FHIT: variants seen among roughly 807,000 people sequenced by gnomAD.
The protein encoded by FHIT is bis(5'-adenosyl)-triphosphatase.
FHIT carries 19 observed loss-of-function variants against 17.9 expected under a neutral mutation model. The ratio of observed to expected loss-of-function variants is 1.06; its 90% CI spans 0.74 to 1.56. The LOEUF (loss-of-function observed/expected upper bound fraction) is 1.56. Ranked by LOEUF, FHIT falls within the 40% of genes most tolerant of loss-of-function variation. The pLI, the probability that FHIT is intolerant of heterozygous loss-of-function variation, is 0.00. For synonymous variants in FHIT, 81 were observed against 69.7 expected, an observed-to-expected ratio of 1.16 and a Z score of -0.81; for missense variants, 248 against 189.2, an observed-to-expected ratio of 1.31 and a Z score of -1.82.
chr3:59,757,810 G>T (rs1393276604), intron 8 of FHIT, among the ~76,000 whole-genome samples: 1 of 152,104 alleles, frequency 6.6e-6, no homozygotes, highest in Non-Finnish European at 1.5e-5. Flanking sequence ...TTACACAGGG[G>T]TTTATATAAA....
At chr3:60,951,762 T>A (rs1430417250) in intron 3 of FHIT, among the ~76,000 whole-genome samples, 8 of 152,012 alleles carry the variant, frequency 5.3e-5, no homozygotes, top group Admixed American at 5.2e-4. Flanking sequence ...TAGATGGGGG[T>A]CAAAAAACAT....
intron 3 of FHIT, among the ~76,000 whole-genome samples, chr3:60,965,255 T>C (rs189061279): frequency 3.3e-5 from 5 of 152,328 alleles, no homozygotes; most frequent in Admixed American, 2.0e-4. Context: ...CATCACGTAG[T>C]TCTCATGCCA....
At chr3:60,199,509 C>T (rs1196162940) in intron 5 of FHIT, among the ~76,000 whole-genome samples, 1 of 151,946 alleles carries the variant, frequency 6.6e-6, no homozygotes, top group Non-Finnish European at 1.5e-5. Context: ...GGGGAATGTT[C>T]CAAATGTCAT....
intron 5 of FHIT, among the ~76,000 whole-genome samples, chr3:60,341,926 T>A (rs1429031861): frequency 6.6e-6 from 1 of 152,104 alleles, no homozygotes; most frequent in Non-Finnish European, 1.5e-5. Flanking sequence ...TCTTGTCACA[T>A]GACCAGCGAG....
At chr3:60,616,275 C>A (rs1221471228) in intron 4 of FHIT, among the ~76,000 whole-genome samples, 4 of 152,300 alleles carry the variant, frequency 2.6e-5, no homozygotes, top group Admixed American at 1.3e-4. Context: ...TTATACAAAT[C>A]TTCACATTTG....
intron 5 of FHIT, among the ~76,000 whole-genome samples, chr3:60,021,115 T>C (rs971953571): frequency 3.9e-5 from 6 of 152,138 alleles, no homozygotes; most frequent in African/African-American, 1.2e-4. Context: ...CAGAGCAGTG[T>C]GATTAAGATA....
At chr3:61,064,672 C>T (rs370825048) in intron 2 of FHIT, among the ~76,000 whole-genome samples, 1 of 152,094 alleles carries the variant, frequency 6.6e-6, no homozygotes, top group African/African-American at 2.4e-5. Flanking sequence ...AAGGCTCTGC[C>T]ACTTGAGAAC....
At chr3:60,814,909 GT>G (rs1217616849) in intron 4 of FHIT, among the ~76,000 whole-genome samples, 333 of 133,898 alleles carry the variant, frequency 2.5e-3, no homozygotes, top group East Asian at 7.6e-3. Context: ...TGTTTTTGTT[GT>G]TTTTTTTTTT....
chr3:60,043,295 T>A (rs1701518687), intron 5 of FHIT, among the ~76,000 whole-genome samples: 1 of 152,238 alleles, frequency 6.6e-6, no homozygotes, highest in South Asian at 2.1e-4. Flanking sequence ...TTTAATATAA[T>A]TCTGTGTGAA....
chr3:60,376,291 G>C (rs1176024976), intron 5 of FHIT, among the ~76,000 whole-genome samples: 2 of 152,110 alleles, frequency 1.3e-5, no homozygotes, highest in African/African-American at 2.4e-5. Context: ...TTTAAATAAA[G>C]CTTTTAATTA....
chr3:61,069,837 G>A (rs574614006), intron 2 of FHIT, among the ~76,000 whole-genome samples: 4 of 152,324 alleles, frequency 2.6e-5, no homozygotes, highest in African/African-American at 9.6e-5. Context: ...TCAAGCTTCA[G>A]TCAGATCTAA....
Position 60,268,946 on chromosome 3 carries a change from C to G in FHIT, c.104-254794G>C, listed in dbSNP as rs115792345. ...ATGAAAAGTGAGAAGTCAACCTGCC[C>G]TTTCTGGCTTTAAAGATAGAGGAAG... On this transcript the variant is annotated intron_variant, in intron 5 of 9. Coordinates refer to ENST00000492590, the MANE Select transcript of FHIT (RefSeq NM_002012.4). Among the ~76,000 whole-genome samples the G allele has an allele frequency of 4.7e-3, 708 of 152,080 alleles. 8 individuals are homozygous for G. The highest frequency in any genetic ancestry group is 0.016 in the African/African-American group (675 of 41,496).
rs568531362 is a variant in FHIT at position 60,951,848 on chromosome 3, G to T, written c.-111+90199C>A. 6.6e-5 allele frequency among the ~76,000 whole-genome samples: 10 copies of T among 152,210 alleles called. No individual in the cohort carries two copies. The South Asian group carries it at 1.7e-3, about 25-fold the overall frequency. ...TTGTTTTCCCTAAATAAAGGGAAAGGTCTCTTTGAGTGGGGCAGAAAGGAT... is the reference window on the plus strand; with the variant it reads ...TTGTTTTCCCTAAATAAAGGGAAAGTTCTCTTTGAGTGGGGCAGAAAGGAT... On this transcript the variant is annotated intron_variant, in intron 3 of 9. Coordinates refer to ENST00000492590, the MANE Select transcript of FHIT (RefSeq NM_002012.4).
At chr3:59,965,189 A>G (rs1019533218) in intron 7 of FHIT, among the ~76,000 whole-genome samples, 8 of 152,158 alleles carry the variant, frequency 5.3e-5, no homozygotes, top group Non-Finnish European at 1.2e-4. Flanking sequence ...TTAAAACATT[A>G]CTTTCTAAAT....
At chr3:59,886,349 C>T (rs1703622769) in intron 8 of FHIT, 1 of 152,248 alleles carries the variant, frequency 6.6e-6, no homozygotes, top group South Asian at 2.1e-4. Flanking sequence ...ATTTACTAGA[C>T]ACTGTGCAGG....
chr3:61,202,378 C>T (rs1490879872), intron 1 of FHIT, among the ~76,000 whole-genome samples: 1 of 151,522 alleles, frequency 6.6e-6, no homozygotes. Flanking sequence ...GCTGCCCAAC[C>T]ATCTGGGAAG....
At chr3:60,224,586 C>T (rs1018859581) in intron 5 of FHIT, among the ~76,000 whole-genome samples, 1 of 152,142 alleles carries the variant, frequency 6.6e-6, no homozygotes, top group Admixed American at 6.5e-5. Flanking sequence ...GCCTGACGTA[C>T]TGATTATCCC....
intron 5 of FHIT, among the ~76,000 whole-genome samples, chr3:60,279,297 G>T (rs952208983): frequency 2.6e-5 from 4 of 151,956 alleles, no homozygotes; most frequent in Non-Finnish European, 5.9e-5. Flanking sequence ...GATAAACAGA[G>T]GCAATTCCTT....
intron 7 of FHIT, among the ~76,000 whole-genome samples, chr3:59,932,238 T>C (rs926196415): frequency 6.6e-6 from 1 of 152,076 alleles, no homozygotes; most frequent in Admixed American, 6.6e-5. Context: ...AATGCTGTGA[T>C]AGGCACTGGA....
Sources: gnomAD v4.1 joint callset for allele counts (sites outside exome capture counted in the v4.1 genomes callset) on GRCh38, gnomAD v4.1.1 for gene constraint, MANE v1.5 for transcripts, NCBI Gene and HGNC (gene_info 2026-07-23, HGNC 2026-07-21) for gene names.